Variants in P2RY6 observed in about 807,000 individuals in gnomAD.
P2RY6 encodes P2Y purinoceptor 6.
In P2RY6, 19 loss-of-function variants were observed where a neutral mutation model predicts 16.3. The observed-to-expected ratio is 1.16, with a 90% CI of 0.81 to 1.71. The LOEUF is 1.71. Ranked by LOEUF, P2RY6 falls within the 40% of genes most tolerant of loss-of-function variation. The pLI, the probability that P2RY6 is intolerant of heterozygous loss-of-function variation, is 0.00. For missense variants in P2RY6, 389 were observed against 455.5 expected (o/e 0.85, Z 1.33); for synonymous variants, 184 against 201.5 (o/e 0.91, Z 0.74).
chr11:73,288,779 G>A (rs1409102939), intron 1 of P2RY6, among the ~76,000 whole-genome samples: 1 of 152,212 alleles, frequency 6.6e-6, no homozygotes, highest in African/African-American at 2.4e-5. Flanking sequence ...GAGAGGGTAG[G>A]TGGCTCTCCC....
chr11:73,268,821 G>A (rs191292875), upstream of P2RY6, among the ~76,000 whole-genome samples: 1 of 152,344 alleles, frequency 6.6e-6, no homozygotes, highest in East Asian at 1.9e-4. Context: ...TGACTCCTGG[G>A]AGCAGCAAGG....
At chr11:73,276,163 C>T (rs943119404) in intron 1 of P2RY6, among the ~76,000 whole-genome samples, 48 of 152,138 alleles carry the variant, frequency 3.2e-4, no homozygotes, top group African/African-American at 1.1e-3. Context: ...AAATCAAAAC[C>T]ACAATATGAT....
At position 73,297,424 on chromosome 11, in the gene P2RY6, C is replaced by T; in HGVS notation, c.906C>T (p.Tyr302=). Residue 302 remains tyrosine, a synonymous_variant, in exon 3 of 3, where the codon TAC becomes TAT. Coordinates refer to ENST00000540124, the MANE Select transcript of P2RY6 (RefSeq NM_001277204.2). ...GCGTGCTGGACCCCATCCTCTTCTA[C>T]TTCACCCAGAAGAAGTTCCGCCGGC... The part of the protein sequence containing the change: ...ANSVLDPILF[Y]FTQKKFRRRP... The T allele has an allele frequency of 1.2e-6, 2 of 1,612,562 alleles. No homozygotes were observed. Among genetic ancestry groups the T allele is most frequent in the Middle Eastern group, 1.7e-4 (1 of 6,058 alleles).
At chr11:73,277,320 G>C (rs1863579276) in intron 1 of P2RY6, among the ~76,000 whole-genome samples, 2 of 106,182 alleles carry the variant, frequency 1.9e-5, no homozygotes, top group South Asian at 2.3e-4. Flanking sequence ...CACCATGTTG[G>C]CCAGGCCAGT....
intron 1 of P2RY6, among the ~76,000 whole-genome samples, chr11:73,274,537 T>C (rs1397061692): frequency 7.9e-6 from 1 of 127,220 alleles, no homozygotes; most frequent in African/African-American, 3.5e-5. Context: ...AGCGAGACTG[T>C]CTCAAAAAAA....
chr11:73,273,522 T>C (rs1863407116), intron 1 of P2RY6, among the ~76,000 whole-genome samples: 1 of 152,160 alleles, frequency 6.6e-6, no homozygotes, highest in African/African-American at 2.4e-5. Flanking sequence ...CTCGACTCCC[T>C]GTGTGGCTGG....
intron 1 of P2RY6, chr11:73,289,472 G>A (rs1168591054): frequency 6.6e-6 from 1 of 152,366 alleles, no homozygotes; most frequent in African/African-American, 2.4e-5. Flanking sequence ...AGCTCATCTG[G>A]GGAGGGTGAG....
intron 1 of P2RY6, among the ~76,000 whole-genome samples, chr11:73,273,610 G>T (rs1269604590): frequency 1.3e-5 from 2 of 152,114 alleles, no homozygotes; most frequent in Non-Finnish European, 2.9e-5. Context: ...AGGGGGCCAT[G>T]GTCCAGAAAC....
intron 1 of P2RY6, among the ~76,000 whole-genome samples, chr11:73,283,657 A>G (rs1398457683): frequency 2.0e-5 from 3 of 152,202 alleles, no homozygotes; most frequent in Non-Finnish European, 4.4e-5. Flanking sequence ...CCCAGAAGAC[A>G]GAGTGCCCAC....
At chr11:73,279,616 C>T (rs1165078057) in intron 1 of P2RY6, among the ~76,000 whole-genome samples, 8 of 152,348 alleles carry the variant, frequency 5.3e-5, no homozygotes, top group Non-Finnish European at 1.2e-4. Flanking sequence ...TACATTCTCA[C>T]TCAAGTTCCT....
intron 1 of P2RY6, among the ~76,000 whole-genome samples, chr11:73,275,655 G>A (rs1447862115): frequency 6.8e-6 from 1 of 147,726 alleles, no homozygotes; most frequent in Non-Finnish European, 1.5e-5. Flanking sequence ...CACCTCCATA[G>A]CATGGAGAGG....
At chr11:73,274,058 A>T (rs929944572) in intron 1 of P2RY6, among the ~76,000 whole-genome samples, 1 of 152,174 alleles carries the variant, frequency 6.6e-6, no homozygotes, top group African/African-American at 2.4e-5. Flanking sequence ...GGCTGGTCTC[A>T]AACTGCTGGC....
In P2RY6 at chr11:73,296,561, C is replaced by T. The variant is rs201411940; in HGVS notation, c.43C>T (p.Pro15Ser). 5.1e-5 allele frequency: 83 copies of T among 1,614,062 alleles called. No individual in the cohort carries two copies. Among genetic ancestry groups the T allele is most frequent in the Non-Finnish European group, 6.7e-5 (79 of 1,180,034 alleles). The change falls in exon 3 of 3, where the codon CCC (proline) becomes TCC (serine). Residue 15 changes from proline to serine, a missense_variant. Coordinates refer to ENST00000540124, the MANE Select transcript of P2RY6 (RefSeq NM_001277204.2). ...NGTGQALGLPPTTCVYRENFK... is the reference protein window; with the variant it reads ...NGTGQALGLPSTTCVYRENFK... ...CACAGGCCAGGCTCTGGGCTTGCCACCCACCACCTGTGTCTACCGCGAGAA... is the reference window on the plus strand; with the variant it reads ...CACAGGCCAGGCTCTGGGCTTGCCATCCACCACCTGTGTCTACCGCGAGAA...
chr11:73,282,053 GC>G (rs1421070566), intron 1 of P2RY6, among the ~76,000 whole-genome samples: 4 of 152,168 alleles, frequency 2.6e-5, no homozygotes, highest in African/African-American at 9.7e-5. Flanking sequence ...CTGGACCTCA[GC>G]TTTCCACCTG....
intron 1 of P2RY6, among the ~76,000 whole-genome samples, chr11:73,294,151 T>C (rs532830272): frequency 2.0e-5 from 3 of 152,248 alleles, no homozygotes; most frequent in African/African-American, 7.2e-5. Context: ...TCTTCAACCT[T>C]CCTCCTCACC....
intron 1 of P2RY6, among the ~76,000 whole-genome samples, chr11:73,281,784 C>T (rs575739704): frequency 4.1e-4 from 62 of 152,340 alleles, no homozygotes; most frequent in Non-Finnish European, 8.1e-4. Flanking sequence ...GCCTCAGTTA[C>T]CCTCACTGCA....
At chr11:73,274,503 C>G (rs371629723) in intron 1 of P2RY6, among the ~76,000 whole-genome samples, 1 of 148,008 alleles carries the variant, frequency 6.8e-6, no homozygotes. Flanking sequence ...GATCATACCA[C>G]TGCACTCCAG....
At chr11:73,270,833 A>T (rs907747683), upstream of P2RY6, among the ~76,000 whole-genome samples, 6 of 152,062 alleles carry the variant, frequency 3.9e-5, no homozygotes, top group Admixed American at 1.3e-4. Flanking sequence ...GGTCTCCTCC[A>T]GGCTAGGTGG....
chr11:73,275,090 C>T (rs1004368845), intron 1 of P2RY6, among the ~76,000 whole-genome samples: 7 of 152,202 alleles, frequency 4.6e-5, no homozygotes, highest in African/African-American at 1.7e-4. Context: ...ACGGAGATGG[C>T]GTAGGCTGGG....
Sources: gnomAD v4.1 joint callset for allele counts (sites outside exome capture counted in the v4.1 genomes callset) on GRCh38, gnomAD v4.1.1 for gene constraint, MANE v1.5 for transcripts, NCBI Gene and HGNC (gene_info 2026-07-23, HGNC 2026-07-21) for gene names.